The following MACROD2 variants were observed in gnomAD, a reference collection of about 807,000 sequenced individuals.
MACROD2 encodes the protein ADP-ribose glycohydrolase MACROD2.
In MACROD2, 36 loss-of-function variants were observed where a neutral mutation model predicts 70.4. That is an observed-to-expected ratio of 0.51 (90% confidence interval 0.39 to 0.68). The LOEUF (loss-of-function observed/expected upper bound fraction) is 0.68, where lower values mean the gene tolerates loss of function less well. Ranked by LOEUF, MACROD2 falls within the 30% of genes least tolerant of loss-of-function variation. The pLI is 0.00. For synonymous variants in MACROD2, 172 were observed against 178.8 expected, an observed-to-expected ratio of 0.96 and a Z score of 0.30; for missense variants, 496 against 538.4, an observed-to-expected ratio of 0.92 and a Z score of 0.78.
At chr20:14,900,930 C>A (rs1297992395) in intron 5 of MACROD2, among the ~76,000 whole-genome samples, 1 of 152,006 alleles carries the variant, frequency 6.6e-6, no homozygotes, top group Admixed American at 6.6e-5. Flanking sequence ...GAAACCAATT[C>A]TATTTCCCTT....
intron 7 of MACROD2, among the ~76,000 whole-genome samples, chr20:15,477,594 A>G (rs999149841): frequency 2.0e-5 from 3 of 152,034 alleles, no homozygotes; most frequent in African/African-American, 7.3e-5. Context: ...AGGGGAGTAA[A>G]CCCAATGAAG....
chr20:15,400,454 A>G (rs1486055629), intron 6 of MACROD2, among the ~76,000 whole-genome samples: 1 of 152,110 alleles, frequency 6.6e-6, no homozygotes, highest in Admixed American at 6.5e-5. Context: ...TTATGTCATC[A>G]TTTGGGGTTG....
chr20:15,112,954 G>A (rs2075965987), intron 5 of MACROD2, among the ~76,000 whole-genome samples: 1 of 137,480 alleles, frequency 7.3e-6, no homozygotes, highest in South Asian at 2.1e-4. Flanking sequence ...ATTTCACTGT[G>A]TGTGTGTGTG....
At chr20:14,337,102 A>C (rs1325478148) in intron 3 of MACROD2, among the ~76,000 whole-genome samples, 5 of 152,198 alleles carry the variant, frequency 3.3e-5, no homozygotes, top group Non-Finnish European at 2.9e-5. Flanking sequence ...TTTAATATTT[A>C]ACATTGAACT....
chr20:15,409,085 G>T (rs1252566662), intron 6 of MACROD2, among the ~76,000 whole-genome samples: 2 of 152,036 alleles, frequency 1.3e-5, no homozygotes, highest in African/African-American at 2.4e-5. Flanking sequence ...TTATTAGAAA[G>T]CTCCCATGCT....
intron 5 of MACROD2, among the ~76,000 whole-genome samples, chr20:14,912,928 GCTTTGGGCTTGC>G (rs1196894591): frequency 1.3e-5 from 2 of 152,168 alleles, no homozygotes; most frequent in Non-Finnish European, 2.9e-5. Context: ...GTTTTAGATG[GCTTTGGGCTTGC>G]AGTTGGCTCA....
chr20:14,262,463 T>C lies in MACROD2; in HGVS notation c.271+176735T>C, dbSNP rs2082108706. Reference sequence around the variant, plus strand: ...TGGAAATAATGAATTTGAAGTTCATTTGGAAGATCTACCTGGAAGTGTCTT... The same window carrying C: ...TGGAAATAATGAATTTGAAGTTCATCTGGAAGATCTACCTGGAAGTGTCTT... On this transcript the variant is annotated intron_variant, in intron 3 of 17. Coordinates refer to ENST00000684519, the MANE Select transcript of MACROD2 (RefSeq NM_001351661.2). 2.6e-5 allele frequency among the ~76,000 whole-genome samples: 4 copies of C among 151,988 alleles called. No individual in the cohort carries two copies. The South Asian group carries it at 8.3e-4, about 31-fold the overall frequency.
intron 5 of MACROD2, among the ~76,000 whole-genome samples, chr20:15,068,810 G>A (rs1389515717): frequency 6.6e-6 from 1 of 152,132 alleles, no homozygotes; most frequent in African/African-American, 2.4e-5. Context: ...GACTGACACA[G>A]AAAATTGTTA....
At chr20:15,785,025 G>T (rs1226714152) in intron 8 of MACROD2, among the ~76,000 whole-genome samples, 1 of 151,666 alleles carries the variant, frequency 6.6e-6, no homozygotes, top group African/African-American at 2.4e-5. Flanking sequence ...GGTGGCGGGC[G>T]CCTGTAGTCC....
At chr20:15,276,472 CT>C in intron 6 of MACROD2, among the ~76,000 whole-genome samples, 1 of 151,278 alleles carries the variant, frequency 6.6e-6, no homozygotes, top group Admixed American at 6.6e-5. Context: ...TATTTGAAAA[CT>C]TTTACAAAAT....
intron 3 of MACROD2, among the ~76,000 whole-genome samples, chr20:14,348,584 A>G (rs2083088567): frequency 6.6e-6 from 1 of 151,828 alleles, no homozygotes; most frequent in African/African-American, 2.4e-5. Context: ...TTATCAGTTT[A>G]GGAAAACCAC....
intron 10 of MACROD2, among the ~76,000 whole-genome samples, chr20:15,906,415 G>A (rs2065147649): frequency 6.6e-6 from 1 of 152,168 alleles, no homozygotes; most frequent in Non-Finnish European, 1.5e-5. Flanking sequence ...TTGGGAATAA[G>A]TTGCCAATCT....
intron 3 of MACROD2, among the ~76,000 whole-genome samples, chr20:14,208,847 A>C (rs1267929896): frequency 6.6e-6 from 1 of 152,250 alleles, no homozygotes; most frequent in Non-Finnish European, 1.5e-5. Flanking sequence ...CAGAAGTGGC[A>C]GCAAGGAGCA....
intron 2 of MACROD2, among the ~76,000 whole-genome samples, chr20:14,010,852 A>G (rs2052893179): frequency 6.6e-6 from 1 of 152,168 alleles, no homozygotes; most frequent in South Asian, 2.1e-4. Context: ...TGACTGTGTC[A>G]TAAATTCTGT....
chr20:15,938,048 C>A (rs2065693156), intron 12 of MACROD2, among the ~76,000 whole-genome samples: 1 of 150,770 alleles, frequency 6.6e-6, no homozygotes. Context: ...GAAAATGTTT[C>A]TGACCCAAGT....
intron 8 of MACROD2, among the ~76,000 whole-genome samples, chr20:15,615,611 G>A (rs977402872): frequency 6.6e-6 from 1 of 152,086 alleles, no homozygotes; most frequent in Non-Finnish European, 1.5e-5. Flanking sequence ...GAGCAGAAGA[G>A]GCCAGCCAAG....
intron 7 of MACROD2, among the ~76,000 whole-genome samples, chr20:15,494,742 T>G (rs1303853695): frequency 3.7e-5 from 3 of 81,786 alleles, no homozygotes; most frequent in East Asian, 7.9e-4. Context: ...ATGGGGTGTG[T>G]GTGTGTGTGT....
chr20:14,213,480 C>A (rs1264001700), intron 3 of MACROD2, among the ~76,000 whole-genome samples: 1 of 144,684 alleles, frequency 6.9e-6, no homozygotes, highest in Non-Finnish European at 1.5e-5. Flanking sequence ...AGAATTTACA[C>A]AAGCAGTTTT....
At chr20:14,967,288 G>T (rs1350697422) in intron 5 of MACROD2, among the ~76,000 whole-genome samples, 1 of 151,718 alleles carries the variant, frequency 6.6e-6, no homozygotes, top group Non-Finnish European at 1.5e-5. Flanking sequence ...CACCTCCCTG[G>T]ATCAAGCAAT....
Sources: gnomAD v4.1 joint callset for allele counts (sites outside exome capture counted in the v4.1 genomes callset) on GRCh38, gnomAD v4.1.1 for gene constraint, MANE v1.5 for transcripts, NCBI Gene and HGNC (gene_info 2026-07-23, HGNC 2026-07-21) for gene names.